MYBPH: variants seen among roughly 807,000 people sequenced by gnomAD.
MYBPH encodes the protein myosin-binding protein H.
MYBPH carries 49 observed loss-of-function variants against 53.6 expected under a neutral mutation model. The observed-to-expected ratio is 0.91, with a 90% CI of 0.73 to 1.16. MYBPH has a LOEUF of 1.16. Among genes scored for constraint, MYBPH ranks in the 50% most tolerant of loss-of-function variants. The pLI, the probability that MYBPH is intolerant of heterozygous loss-of-function variation, is 0.00. For missense variants in MYBPH, 558 were observed against 624.1 expected (o/e 0.89, Z 1.13); for synonymous variants, 239 against 249.6 (o/e 0.96, Z 0.40).
In MYBPH at chr1:203,167,991, A is replaced by AG. The variant is rs1466538355; in HGVS notation, c.*132dup. The AG allele has an allele frequency of 1.3e-5, 2 of 155,562 alleles. No individual in the cohort carries two copies. The highest frequency in any genetic ancestry group is 2.9e-5 in the Non-Finnish European group (2 of 69,994). The allele number at this position is 155,562 out of a possible 1,614,324, so 9.6% of individuals were successfully genotyped here. A position where few individuals can be genotyped will look rare whatever the true frequency, so the allele number is the denominator to read the frequency against. ...TGGGGAAGGGAGGCCAGCAGGTACC[A>AG]GGGGCGGTTCCATCAGCCGTCGCTA... On this transcript the variant is annotated 3_prime_UTR_variant, in exon 11 of 11. Coordinates refer to ENST00000255416, the MANE Select transcript of MYBPH (RefSeq NM_004997.3).
chr1:203,169,995 C>A (rs747494496), intron 7 of MYBPH, among the ~76,000 whole-genome samples: 2 of 152,222 alleles, frequency 1.3e-5, no homozygotes, highest in Non-Finnish European at 2.9e-5. Context: ...GCCTGAGACT[C>A]GGCGGCTGCT....
Position 203,171,416 on chromosome 1 carries a change from C to T in MYBPH, c.760G>A (p.Glu254Lys). The T allele has an allele frequency of 6.2e-7, 1 of 1,613,910 alleles. No individual in the cohort carries two copies. The highest frequency in any genetic ancestry group is 8.5e-7 in the Non-Finnish European group (1 of 1,179,990). Residue 254 changes from glutamate to lysine, a missense_variant, in exon 5 of 11, where the codon GAG becomes AAG. By Grantham distance (56) the Glu-to-Lys change is moderately conservative (BLOSUM62 1). Coordinates refer to ENST00000255416, the MANE Select transcript of MYBPH (RefSeq NM_004997.3). The surrounding 1 kb of genome is among the most constrained non-coding windows in gnomAD (Gnocchi z 4.2). The part of the protein sequence containing the change: ...YELTVRVEDL[E>K]AKAVIDILVI... ...AGGATGTCAATGACTGCCTTGGCCT[C>T]CAGGTCTTCCACGCGCACAGTGAGC... is the stretch of plus-strand genomic sequence containing the variant.
rs2102190188 is a variant in MYBPH, at chr1:203,171,634, T to C, written c.598-56A>G. 3.3e-6 allele frequency: 5 copies of C among 1,493,136 alleles called. No homozygotes were observed. The highest frequency in any genetic ancestry group is 4.5e-6 in the Non-Finnish European group (5 of 1,109,882). The allele number at this position is 1,493,136 out of a possible 1,614,324, so 92.5% of individuals were successfully genotyped here. On this transcript the variant is annotated intron_variant, in intron 4 of 10. Coordinates refer to ENST00000255416, the MANE Select transcript of MYBPH (RefSeq NM_004997.3). The surrounding 1 kb of genome is among the most constrained non-coding windows in gnomAD (Gnocchi z 4.2). ...AGGGAGGTGCCAGAGTCCCCACACCTCCTTAACTCCAGGAGTCTCTGGAGC... is the reference window on the plus strand; with the variant it reads ...AGGGAGGTGCCAGAGTCCCCACACCCCCTTAACTCCAGGAGTCTCTGGAGC...
chr1:203,168,605 G>C, intron 10 of MYBPH, 22 bp downstream of exon 10: 1 of 1,550,040 alleles, frequency 6.5e-7, no homozygotes, highest in Non-Finnish European at 8.7e-7. Context: ...AGGTAACAGA[G>C]TGGGTGGGTC....
intron 3 of MYBPH, among the ~76,000 whole-genome samples, chr1:203,173,572 CT>C (rs1362810802): frequency 6.6e-6 from 1 of 152,246 alleles, no homozygotes; most frequent in Non-Finnish European, 1.5e-5. Flanking sequence ...TCTCTCAGGC[CT>C]CAGAGCTGAG....
In MYBPH at chr1:203,168,931, A is replaced by T. The variant is rs542829483; in HGVS notation, c.1392T>A (p.Ser464=). 4.0e-5 allele frequency: 65 copies of T among 1,613,912 alleles called. No homozygotes were observed. The highest frequency in any genetic ancestry group is 5.2e-5 in the Non-Finnish European group (61 of 1,180,020). ...CTTTGACCTCCAGCCGGCAGTCCAC[A>T]GATGCCTCCCCCAGCACATTTATGG... The part of the protein sequence containing the change: ...CKAINVLGEA[S]VDCRLEVKAS... The change falls in exon 9 of 11, where the codon TCT becomes TCA. Residue 464 remains serine (S), a synonymous_variant. Coordinates refer to ENST00000255416, the MANE Select transcript of MYBPH (RefSeq NM_004997.3).
Position 203,170,930 on chromosome 1 carries a change from G to A in MYBPH, c.933+131C>T, listed in dbSNP as rs1655682093. On this transcript the variant is annotated intron_variant, in intron 6 of 10. Coordinates refer to ENST00000255416, the MANE Select transcript of MYBPH (RefSeq NM_004997.3). Reference sequence around the variant, plus strand: ...GAAGAGTCTTGCTAAGGGCCTCCTAGGGAGTCAGGTTAGCAGTGGGCAGAC... The same window carrying A: ...GAAGAGTCTTGCTAAGGGCCTCCTAAGGAGTCAGGTTAGCAGTGGGCAGAC... The A allele has an allele frequency of 8.7e-6, 11 of 1,268,598 alleles. No homozygotes were observed. The South Asian group carries it at 1.8e-4, about 21-fold the overall frequency. 78.6% of individuals were successfully genotyped at this position (1,268,598 alleles called of 1,614,324 possible). A position where few individuals can be genotyped will look rare whatever the true frequency, so the allele number is the denominator to read the frequency against.
chr1:203,176,161 G>A (rs1655805770), upstream of MYBPH, among the ~76,000 whole-genome samples: 1 of 152,202 alleles, frequency 6.6e-6, no homozygotes, highest in South Asian at 2.1e-4. Context: ...GGCTCTGTGT[G>A]TCTGGCGTCT....
chr1:203,174,660 G>T (rs1571823061), intron 2 of MYBPH, 63 bp from the exon 3 acceptor site: 7 of 1,393,252 alleles, frequency 5.0e-6, no homozygotes, highest in Non-Finnish European at 3.8e-6. Context: ...TCTCCATGGG[G>T]CTTCTTTTCC....
At chr1:203,172,842 A>C (rs1274949880) in intron 3 of MYBPH, among the ~76,000 whole-genome samples, 2 of 152,166 alleles carry the variant, frequency 1.3e-5, no homozygotes, top group Admixed American at 6.5e-5. Flanking sequence ...AACAGGTGGC[A>C]GCAGTTGGTT....
chr1:203,173,828 G>A (rs1462807979), intron 3 of MYBPH, among the ~76,000 whole-genome samples: 5 of 152,274 alleles, frequency 3.3e-5, no homozygotes, highest in Admixed American at 3.3e-4. Context: ...TCAGCTCCGG[G>A]AGGGGAGCGA....
In MYBPH at chr1:203,175,364, G is replaced by A. The variant is rs762712094; in HGVS notation, c.303C>T (p.Gly101=). Residue 101 remains glycine (G), a synonymous_variant, in exon 2 of 11, where the codon GGC becomes GGT. Transcript: ENST00000255416. The part of the protein sequence containing the change: ...WEPPERLGRL[G]LQGYVLELCR... Reference sequence around the variant, plus strand: ...AGAGCTCCAGCACATAGCCCTGGAGGCCCAGCCTCCCCAGCCTCTCTGGGG... The same window carrying A: ...AGAGCTCCAGCACATAGCCCTGGAGACCCAGCCTCCCCAGCCTCTCTGGGG... The A allele has an allele frequency of 5.2e-6, 8 of 1,527,588 alleles. No homozygotes were observed. The Middle Eastern group carries it at 1.2e-3, about 237-fold the overall frequency. The allele number at this position is 1,527,588 out of a possible 1,614,324, so 94.6% of individuals were successfully genotyped here. A position where few individuals can be genotyped will look rare whatever the true frequency, so the allele number is the denominator to read the frequency against.
At chr1:203,173,104 C>T (rs1035842146) in intron 3 of MYBPH, among the ~76,000 whole-genome samples, 1 of 152,196 alleles carries the variant, frequency 6.6e-6, no homozygotes, top group Non-Finnish European at 1.5e-5. Flanking sequence ...GCCTCCTCTC[C>T]CTCTTCTCTC....
At chr1:203,178,238 C>T (rs1252604384), upstream of MYBPH, among the ~76,000 whole-genome samples, 1 of 152,216 alleles carries the variant, frequency 6.6e-6, no homozygotes, top group Non-Finnish European at 1.5e-5. Context: ...TCACATCCTC[C>T]CGACCTCCTA....
intron 1 of MYBPH, 28 bp downstream of exon 1, chr1:203,175,523 C>T: frequency 1.2e-6 from 2 of 1,613,018 alleles, no homozygotes; most frequent in South Asian, 1.1e-5. Context: ...GCCTGCCTCC[C>T]TCCTCCCCCT....
intron 3 of MYBPH, 30 bp from the exon 4 acceptor site, chr1:203,172,070 A>T (rs1417983509): frequency 7.9e-7 from 1 of 1,265,730 alleles, no homozygotes; most frequent in African/African-American, 1.5e-5. Flanking sequence ...TGGGCTTAGC[A>T]GTGCAGTGGG....
In MYBPH at chr1:203,174,557, C is replaced by T. The variant is rs1380318892; in HGVS notation, c.381G>A (p.Val127=). The change falls in exon 3 of 11, where the codon GTG becomes GTA. Residue 127 remains valine (V), a synonymous_variant. Transcript: ENST00000255416. ...CCAGGTTCCGCACAGTCTGCTGGGT[C>T]ACCATCATGGGCCGGGCACTCACAG... The part of the protein sequence containing the change: ...WVPVSARPMM[V]TQQTVRNLAL... 5.0e-6 allele frequency: 8 copies of T among 1,610,568 alleles called. No individual in the cohort carries two copies. Among genetic ancestry groups the T allele is most frequent in the Non-Finnish European group, 6.8e-6 (8 of 1,177,302 alleles).
intron 10 of MYBPH, among the ~76,000 whole-genome samples, 189 bp downstream of exon 10, chr1:203,168,438 C>T (rs188774674): frequency 3.3e-5 from 5 of 152,176 alleles, no homozygotes; most frequent in African/African-American, 1.2e-4. Flanking sequence ...CAGGAGACAC[C>T]GGCATCGCCT....
chr1:203,171,920 A>C lies in MYBPH; in HGVS notation c.597+32T>G. ...TAAATGGGGGCCCTGGTTCCCACCC[A>C]GGCTGTTACCCTTGGTGGGGGTAAT... On this transcript the variant is annotated intron_variant, in intron 4 of 10. Coordinates refer to ENST00000255416, the MANE Select transcript of MYBPH (RefSeq NM_004997.3). The surrounding 1 kb of genome is among the most constrained non-coding windows in gnomAD (Gnocchi z 4.2). 2 of 1,284,124 alleles carry C rather than the reference A, an allele frequency of 1.6e-6. No individual in the cohort carries two copies. The highest frequency in any genetic ancestry group is 6.3e-5 in the South Asian group (2 of 31,552). The allele number at this position is 1,284,124 out of a possible 1,614,324, so 79.5% of individuals were successfully genotyped here.
Sources: allele counts gnomAD v4.1 joint callset (sites outside exome capture counted in the v4.1 genomes callset), GRCh38; gene constraint gnomAD v4.1.1; non-coding constraint Gnocchi (gnomAD v3.1); transcripts MANE v1.5; gene names NCBI Gene and HGNC (gene_info 2026-07-23, HGNC 2026-07-21).